NPR3: variants seen among roughly 807,000 people sequenced by gnomAD.
NPR3 encodes the protein natriuretic peptide receptor 3.
A neutral mutation model predicts 54.5 loss-of-function variants in NPR3; 34 were observed. The ratio of observed to expected loss-of-function variants is 0.62; its 90% CI spans 0.47 to 0.83. NPR3 has a LOEUF of 0.83. NPR3 is among the 40% of genes least tolerant of loss of function. The pLI, the probability that NPR3 is intolerant of heterozygous loss-of-function variation, is 0.00. For missense variants in NPR3, 674 were observed against 720.8 expected, an observed-to-expected ratio of 0.94 and a Z score of 0.74; for synonymous variants, 289 against 297.1, an observed-to-expected ratio of 0.97 and a Z score of 0.28.
At chr5:32,705,480 C>T (rs55738139), upstream of NPR3, among the ~76,000 whole-genome samples, 31,331 of 152,056 alleles carry the variant, frequency 0.21, 3,513 homozygotes, top group Middle Eastern at 0.35. Flanking sequence ...TCTGGGGAGA[C>T]CTCAGGAAAC....
chr5:32,774,919 GC>G, intron 4 of NPR3, 76 bp downstream of exon 4: 1 of 1,170,532 alleles, frequency 8.5e-7, no homozygotes, highest in Non-Finnish European at 1.3e-6. Flanking sequence ...TTTCTCAGTT[GC>G]AGCTGTGGGG....
At chr5:32,758,062 CT>C (rs201633608) in intron 3 of NPR3, among the ~76,000 whole-genome samples, 53,364 of 145,036 alleles carry the variant, frequency 0.37, 11,311 homozygotes, top group African/African-American at 0.61. Flanking sequence ...CTAAAATTCT[CT>C]TTTTTTTGTT....
Position 32,738,890 on chromosome 5 carries a change from A to C in NPR3, c.919A>C (p.Lys307Gln). 1 of 1,613,900 alleles carries C rather than the reference A, an allele frequency of 6.2e-7. No homozygotes were observed. Among genetic ancestry groups the C allele is most frequent in the Non-Finnish European group, 8.5e-7 (1 of 1,179,802 alleles). Residue 307 changes from lysine to glutamine, a missense_variant, in exon 3 of 8, where the codon AAA (lysine) becomes CAA (glutamine). Transcript: ENST00000265074. The part of the protein sequence containing the change: ...YGDGSWKRGD[K>Q]HDFEAKQAYS... ...AGATGGCTCATGGAAGAGAGGAGAC[A>C]AACACGACTTTGAAGCTAAGCAAGC...
intron 2 of NPR3, among the ~76,000 whole-genome samples, chr5:32,737,891 G>A (rs758243247): frequency 1.3e-5 from 2 of 151,962 alleles, no homozygotes; most frequent in African/African-American, 4.8e-5. Flanking sequence ...ATGTTTTTAC[G>A]CATATAAAGT....
chr5:32,711,478 A>G lies in NPR3; in HGVS notation c.-299A>G. The G allele has an allele frequency of 1.8e-6, 2 of 1,129,228 alleles. No homozygotes were observed. The highest frequency in any genetic ancestry group is 2.2e-6 in the Non-Finnish European group (2 of 924,868). 70.0% of individuals were successfully genotyped at this position (1,129,228 alleles called of 1,614,324 possible). On this transcript the variant is annotated 5_prime_UTR_variant, in exon 1 of 8. In the 5' UTR this introduces an upstream ATG that the reference lacks. Transcript: ENST00000265074. The stretch of plus-strand genomic sequence containing the variant: ...CCTCTAAGCAAAATAGTATATGTAT[A>G]AACGGAGGGCGAATATATACAAGTA...
At chr5:32,729,993 A>G (rs1348822198) in intron 2 of NPR3, among the ~76,000 whole-genome samples, 1 of 152,150 alleles carries the variant, frequency 6.6e-6, no homozygotes, top group Non-Finnish European at 1.5e-5. Flanking sequence ...CCAGGATCCA[A>G]TCCAGGATCT....
At position 32,711,597 on chromosome 5, in the gene NPR3, C is replaced by T; in HGVS notation, c.-180C>T. 1 of 1,241,076 alleles carries T rather than the reference C, an allele frequency of 8.1e-7. No homozygotes were observed. The highest frequency in any genetic ancestry group is 1.0e-6 in the Non-Finnish European group (1 of 996,576). The allele number at this position is 1,241,076 out of a possible 1,614,324, so 76.9% of individuals were successfully genotyped here. The stretch of plus-strand genomic sequence containing the variant: ...TTTTTAAGAAAAACTAGTGACATTG[C>T]AGAGAAGGACGCTTCCTCTCTATCT... On this transcript the variant is annotated 5_prime_UTR_variant, in exon 1 of 8. Coordinates refer to ENST00000265074, the MANE Select transcript of NPR3 (RefSeq NM_001204375.2).
intron 1 of NPR3, chr5:32,716,756 A>G (rs922686746): frequency 1.3e-5 from 2 of 153,614 alleles, no homozygotes; most frequent in Non-Finnish European, 2.9e-5. Context: ...TTTTCCTTGG[A>G]GTTAAAACAG....
chr5:32,724,924 C>T (rs141514562), intron 2 of NPR3, 104 bp downstream of exon 2: 89 of 1,235,398 alleles, frequency 7.2e-5, no homozygotes, highest in Non-Finnish European at 9.5e-5. Flanking sequence ...ACATAAACAC[C>T]ATGGAATACT....
chr5:32,784,884 G>T lies in NPR3; in HGVS notation c.1514+1G>T. 6.2e-7 allele frequency: 1 copy of T among 1,608,930 alleles called. No homozygotes were observed. Among genetic ancestry groups the T allele is most frequent in the Non-Finnish European group, 8.5e-7 (1 of 1,175,420 alleles). The stretch of plus-strand genomic sequence containing the variant: ...TGCTAATGGCCTTCTACTTTTTCAG[G>T]TGAGGACGGTTTGTAAAGGTACAAT... On this transcript the variant is annotated splice_donor_variant, in intron 7 of 7. Transcript: ENST00000265074. LOFTEE classifies it high-confidence loss of function.
chr5:32,704,904 T>G (rs1220964441), upstream of NPR3, among the ~76,000 whole-genome samples: 3 of 152,242 alleles, frequency 2.0e-5, no homozygotes, highest in African/African-American at 7.2e-5. Context: ...ATAAATCCAT[T>G]AAACATAGTC....
intron 1 of NPR3, among the ~76,000 whole-genome samples, chr5:32,714,563 T>C (rs1156957257): frequency 2.0e-5 from 3 of 152,092 alleles, no homozygotes; most frequent in Non-Finnish European, 2.9e-5. Flanking sequence ...AACTGACCTG[T>C]ATATTTTACA....
intron 1 of NPR3, among the ~76,000 whole-genome samples, chr5:32,699,122 A>T (rs1330878179): frequency 6.6e-6 from 1 of 151,704 alleles, no homozygotes; most frequent in Non-Finnish European, 1.5e-5. Context: ...CTTGCTTTTT[A>T]TTTTTTATGT....
chr5:32,748,435 C>A (rs1229190495), intron 3 of NPR3, among the ~76,000 whole-genome samples: 1 of 152,104 alleles, frequency 6.6e-6, no homozygotes, highest in Admixed American at 6.5e-5. Flanking sequence ...CAGCAGAAAG[C>A]ATTACCACCT....
At chr5:32,782,491 G>C (rs1332985504) in intron 5 of NPR3, among the ~76,000 whole-genome samples, 6 of 152,184 alleles carry the variant, frequency 3.9e-5, no homozygotes, top group Non-Finnish European at 8.8e-5. Flanking sequence ...TTTCCACGAG[G>C]GGGTAGTGAC....
chr5:32,710,859 G>GTTTTTTTTTTTTTT (rs56022335), upstream of NPR3: 1,424 of 978,354 alleles, frequency 1.5e-3, 13 homozygotes, highest in African/African-American at 4.7e-3. Context: ...CCCAGTCCTG[G>GTTTTTTTTTTTTTT]TTTTTTTTTT....
rs1191716858 is a variant in NPR3, at chr5:32,712,397, C to G, written c.621C>G (p.Asp207Glu). Reference sequence around the variant, plus strand: ...GCGCTGCACTGGTCTACAGCGACGACAAGCTGGAGCGGAACTGCTACTTCA... The same window carrying G: ...GCGCTGCACTGGTCTACAGCGACGAGAAGCTGGAGCGGAACTGCTACTTCA... ...WSRAALVYSDDKLERNCYFTL... is the reference protein window; with the variant it reads ...WSRAALVYSDEKLERNCYFTL... Residue 207 changes from aspartate to glutamate, a missense_variant, in exon 1 of 8, where the codon GAC (aspartate) becomes GAG (glutamate). By Grantham distance (45) the Asp-to-Glu change is conservative. Coordinates refer to ENST00000265074, the MANE Select transcript of NPR3 (RefSeq NM_001204375.2). 2.5e-6 allele frequency: 4 copies of G among 1,613,226 alleles called. No homozygotes were observed. In the Admixed American group the frequency reaches 6.7e-5, roughly 27 times the overall value.
At chr5:32,693,517 T>G (rs992593404) in intron 1 of NPR3, among the ~76,000 whole-genome samples, 3 of 152,270 alleles carry the variant, frequency 2.0e-5, no homozygotes, top group African/African-American at 7.2e-5. Flanking sequence ...TATTGTGATG[T>G]AATATGATCA....
rs527327893 is a variant in NPR3, at chr5:32,702,801, T to G, written c.100+13615T>G. Among the ~76,000 whole-genome samples, 435 of 152,196 alleles carry G rather than the reference T, an allele frequency of 2.9e-3. 6 individuals carry two copies. The highest frequency in any genetic ancestry group is 0.025 in the Admixed American group (378 of 15,288). ...CAGTAATGGGATGGCTGGGTCAAATTGTATTTCTAGTTCTAGATCCCTGAG... is the reference window on the plus strand; with the variant it reads ...CAGTAATGGGATGGCTGGGTCAAATGGTATTTCTAGTTCTAGATCCCTGAG... On this transcript the variant is annotated intron_variant, in intron 1 of 5. Transcript: ENST00000509104.
Sources: allele counts gnomAD v4.1 joint callset (sites outside exome capture counted in the v4.1 genomes callset), GRCh38; gene constraint gnomAD v4.1.1; transcripts MANE v1.5; gene names NCBI Gene and HGNC (gene_info 2026-07-23, HGNC 2026-07-21).